Variants in NRG4 observed in about 807,000 individuals in gnomAD.
The protein encoded by NRG4 is neuregulin 4, also known as pro-neuregulin-4, membrane-bound isoform.
Under a neutral mutation model 15.0 loss-of-function variants are expected in NRG4, and 10 were observed. The ratio of observed to expected loss-of-function variants is 0.67; its 90% CI spans 0.41 to 1.13. The LOEUF (loss-of-function observed/expected upper bound fraction) is 1.13. NRG4 is among the 50% of genes most tolerant of loss of function. The probability of loss-of-function intolerance (pLI) is 0.00; values close to 1 mark genes in which losing one functional copy is unlikely to be tolerated. For missense variants in NRG4, 139 were observed against 140.2 expected (o/e 0.99, Z 0.04); for synonymous variants, 41 against 50.1 (o/e 0.82, Z 0.77).
At chr15:76,001,668 G>GT (rs1466973737) in intron 3 of NRG4, among the ~76,000 whole-genome samples, 11 of 152,182 alleles carry the variant, frequency 7.2e-5, no homozygotes, top group African/African-American at 2.7e-4. Context: ...ATACGCATTT[G>GT]TATTTCCTTG....
chr15:76,001,840 A>T (rs538979080), intron 3 of NRG4, among the ~76,000 whole-genome samples: 1 of 152,284 alleles, frequency 6.6e-6, no homozygotes, highest in South Asian at 2.1e-4. Context: ...TCTATTTTAA[A>T]CTTGTAGGAG....
chr15:75,951,327 C>G (rs75453092), intron 5 of NRG4, among the ~76,000 whole-genome samples: 1 of 151,698 alleles, frequency 6.6e-6, no homozygotes, highest in Non-Finnish European at 1.5e-5. Flanking sequence ...GCCACCACGC[C>G]CAGCTAGTTT....
chr15:75,981,119 G>C (rs1472139023), intron 3 of NRG4, among the ~76,000 whole-genome samples: 2 of 152,160 alleles, frequency 1.3e-5, no homozygotes, highest in African/African-American at 4.8e-5. Flanking sequence ...TTGAAACTCA[G>C]TGGCCCTATG....
At chr15:75,958,456 T>C (rs2032353923) in intron 4 of NRG4, among the ~76,000 whole-genome samples, 1 of 152,258 alleles carries the variant, frequency 6.6e-6, no homozygotes, top group Non-Finnish European at 1.5e-5. Flanking sequence ...TCTTTTATTC[T>C]ACGTTTGGTA....
At chr15:75,974,536 C>G (rs1430660571) in intron 3 of NRG4, among the ~76,000 whole-genome samples, 1 of 152,074 alleles carries the variant, frequency 6.6e-6, no homozygotes, top group Non-Finnish European at 1.5e-5. Flanking sequence ...TTGCTGTGTC[C>G]CAGAGATTCT....
intron 3 of NRG4, among the ~76,000 whole-genome samples, chr15:75,988,238 T>C (rs2033870575): frequency 6.6e-6 from 1 of 152,100 alleles, no homozygotes. Context: ...CAGGCTGGAG[T>C]GCAGTGGCGC....
At chr15:76,029,362 A>G (rs2035409121) in intron 5 of NRG4, among the ~76,000 whole-genome samples, 1 of 152,224 alleles carries the variant, frequency 6.6e-6, no homozygotes, top group Non-Finnish European at 1.5e-5. Flanking sequence ...ATGGACTGGA[A>G]GAAGACAAAG....
chr15:75,958,238 T>A (rs2032338605), intron 4 of NRG4, among the ~76,000 whole-genome samples: 1 of 152,154 alleles, frequency 6.6e-6, no homozygotes, highest in South Asian at 2.1e-4. Context: ...GGTCTCGATC[T>A]CCTGACCTTG....
At chr15:76,048,863 A>T (rs1879040353) in intron 4 of NRG4, among the ~76,000 whole-genome samples, 1 of 150,464 alleles carries the variant, frequency 6.6e-6, no homozygotes, top group African/African-American at 2.5e-5. Flanking sequence ...TGGCCAACAT[A>T]GTAAAACCCC....
In NRG4 at chr15:75,977,200, T is replaced by C. The variant is rs915869516; in HGVS notation, c.105-15226A>G. The stretch of plus-strand genomic sequence containing the variant: ...CCAAGACTGAGCATCCCAGGTCGAC[T>C]TCAGACTGCTGTGCTGGCAGCGAGA... On this transcript the variant is annotated intron_variant, in intron 3 of 5. Transcript: ENST00000394907. The surrounding 1 kb of genome is among the most constrained non-coding windows in gnomAD (Gnocchi z 4.9). Among the ~76,000 whole-genome samples, 1 of 152,150 alleles carries C rather than the reference T, an allele frequency of 6.6e-6. No individual in the cohort carries two copies. Among genetic ancestry groups the C allele is most frequent in the African/African-American group, 2.4e-5 (1 of 41,430 alleles).
intron 5 of NRG4, among the ~76,000 whole-genome samples, chr15:76,028,914 A>AAC (rs2141938836): frequency 6.6e-6 from 1 of 151,612 alleles, no homozygotes; most frequent in African/African-American, 2.4e-5. Context: ...AAAAAAAAAA[A>AAC]AAAAAAAAAA....
intron 3 of NRG4, among the ~76,000 whole-genome samples, chr15:75,994,722 A>G (rs1487925656): frequency 1.3e-5 from 2 of 152,376 alleles, no homozygotes; most frequent in South Asian, 2.1e-4. Context: ...ACTGAAGTAC[A>G]AGAATGGTAT....
intron 4 of NRG4, among the ~76,000 whole-genome samples, chr15:75,957,466 T>G (rs1422846449): frequency 6.6e-6 from 1 of 152,254 alleles, no homozygotes; most frequent in Admixed American, 6.5e-5. Context: ...AACTGAGAAG[T>G]CAGCTGTTGG....
intron 3 of NRG4, among the ~76,000 whole-genome samples, chr15:75,974,465 G>T (rs2033271484): frequency 6.6e-6 from 1 of 151,174 alleles, no homozygotes; most frequent in South Asian, 2.1e-4. Context: ...TTAGGGTGTT[G>T]ATCTTTCTTG....
chr15:76,024,791 A>AACTACATGGAGACTAT (rs1567117007), intron 5 of NRG4, among the ~76,000 whole-genome samples: 1 of 152,198 alleles, frequency 6.6e-6, no homozygotes, highest in Non-Finnish European at 1.5e-5. Flanking sequence ...CAGCTGAAGA[A>AACTACATGGAGACTAT]ACTACATGGA....
At chr15:76,042,400 T>C (rs1301933743) in intron 4 of NRG4, among the ~76,000 whole-genome samples, 1 of 151,174 alleles carries the variant, frequency 6.6e-6, no homozygotes, top group Non-Finnish European at 1.5e-5. Flanking sequence ...ATAAACAAAA[T>C]TGATAAATCT....
intron 2 of NRG4, among the ~76,000 whole-genome samples, chr15:76,056,724 C>T (rs955702713): frequency 6.6e-6 from 1 of 152,124 alleles, no homozygotes; most frequent in Non-Finnish European, 1.5e-5. Context: ...CAAATTTTCA[C>T]AAATCACATG....
At chr15:75,945,897 T>C (rs1457277745) in intron 5 of NRG4, 1 of 152,190 alleles carries the variant, frequency 6.6e-6, no homozygotes, top group Non-Finnish European at 1.5e-5. Flanking sequence ...CCTGTACCTA[T>C]GATAAAGTTT....
intron 3 of NRG4, among the ~76,000 whole-genome samples, chr15:75,974,111 A>AAC (rs2033247609): frequency 6.6e-6 from 1 of 152,046 alleles, no homozygotes; most frequent in Non-Finnish European, 1.5e-5. Context: ...GGTATGTGTT[A>AAC]AGGAATTTAT....
Sources: allele counts gnomAD v4.1 joint callset (sites outside exome capture counted in the v4.1 genomes callset), GRCh38; gene constraint gnomAD v4.1.1; non-coding constraint Gnocchi (gnomAD v3.1); transcripts MANE v1.5; gene names NCBI Gene and HGNC (gene_info 2026-07-23, HGNC 2026-07-21).